Variants in PIEZO1 observed in about 807,000 individuals in gnomAD.
The protein encoded by PIEZO1 is piezo type mechanosensitive ion channel component 1 (Er blood group).
A neutral mutation model predicts 297.2 loss-of-function variants in PIEZO1; 296 were observed. That is an observed-to-expected ratio of 1.00 (90% CI 0.91 to 1.10). PIEZO1 has a LOEUF of 1.10. Among genes scored for constraint, PIEZO1 ranks in the 50% least tolerant of loss-of-function variants. The pLI, the probability that PIEZO1 is intolerant of heterozygous loss-of-function variation, is 0.00. For missense variants in PIEZO1, 5,018 were observed against 3,455.5 expected (o/e 1.45, Z -11.34); for synonymous variants, 2,427 against 1,507.5 (o/e 1.61, Z -14.13).
chr16:88,727,796 C>T (rs1007110618), intron 22 of PIEZO1, 135 bp from the exon 23 acceptor site: 4 of 457,696 alleles, frequency 8.7e-6, no homozygotes, highest in African/African-American at 2.0e-5. Context: ...CCTGGTGTCT[C>T]GAGAACTGAC....
chr16:88,731,697 G>A lies in PIEZO1; in HGVS notation c.3196+9C>T, dbSNP rs750856502. On this transcript the variant is annotated intron_variant, in intron 22 of 50. Coordinates refer to ENST00000301015, the MANE Select transcript of PIEZO1 (RefSeq NM_001142864.4). ...AAGCCCACTCCCACCCAAGCCACGT[G>A]CCCCTCACCAATGCACAGGGCCGGG... 1.3e-6 allele frequency: 2 copies of A among 1,547,844 alleles called. No individual in the cohort carries two copies. Among genetic ancestry groups the A allele is most frequent in the South Asian group, 2.4e-5 (2 of 83,976 alleles).
rs1904996571 is a variant in PIEZO1, at chr16:88,733,341, C to T, written c.2601G>A (p.Val867=). The T allele has an allele frequency of 6.5e-6, 10 of 1,550,220 alleles. No homozygotes were observed. Among genetic ancestry groups the T allele is most frequent in the Non-Finnish European group, 8.7e-6 (10 of 1,146,836 alleles). The stretch of plus-strand genomic sequence containing the variant: ...CCTTGAGCTGGTACAGCATCTTACA[C>T]ACGATGATGACGCAGGTCCACACGG... ...LSTVWTCVII[V]CKMLYQLKVV... Residue 867 remains valine, a synonymous_variant, in exon 19 of 51, where the codon GTG becomes GTA. Coordinates refer to ENST00000301015, the MANE Select transcript of PIEZO1 (RefSeq NM_001142864.4).
chr16:88,746,301 T>C (rs531254091), intron 2 of PIEZO1, among the ~76,000 whole-genome samples: 9 of 152,036 alleles, frequency 5.9e-5, no homozygotes, highest in Non-Finnish European at 1.3e-4. Flanking sequence ...TGGGGGGTGA[T>C]CTCTCTCCAG....
At chr16:88,774,960 T>C (rs1907591637) in intron 1 of PIEZO1, among the ~76,000 whole-genome samples, 1 of 152,156 alleles carries the variant, frequency 6.6e-6, no homozygotes, top group Non-Finnish European at 1.5e-5. Context: ...ATAGTGGCTA[T>C]GTAACGACAG....
chr16:88,717,365 A>C, intron 44 of PIEZO1, 154 bp from the exon 45 acceptor site: 1 of 680,810 alleles, frequency 1.5e-6, no homozygotes, highest in East Asian at 2.7e-5. Flanking sequence ...AGGCCAGTGG[A>C]GTAGAACTAA....
intron 1 of PIEZO1, among the ~76,000 whole-genome samples, chr16:88,760,714 C>A (rs990957442): frequency 6.6e-6 from 1 of 151,988 alleles, no homozygotes; most frequent in Non-Finnish European, 1.5e-5. Flanking sequence ...GCCTTTGACG[C>A]AGCAGCACCC....
intron 1 of PIEZO1, among the ~76,000 whole-genome samples, chr16:88,775,896 A>G (rs552671254): frequency 6.6e-6 from 1 of 152,212 alleles, no homozygotes; most frequent in East Asian, 1.9e-4. Context: ...GACTCCTCAG[A>G]AGAAGGCAGT....
At chr16:88,751,509 C>T (rs1906388051) in intron 1 of PIEZO1, among the ~76,000 whole-genome samples, 1 of 152,208 alleles carries the variant, frequency 6.6e-6, no homozygotes, top group Admixed American at 6.5e-5. Context: ...GAGTGCCGGG[C>T]TCCGGGGGGC....
intron 1 of PIEZO1, among the ~76,000 whole-genome samples, chr16:88,751,396 C>G (rs1280908895): frequency 2.6e-5 from 4 of 152,238 alleles, no homozygotes; most frequent in Non-Finnish European, 4.4e-5. Flanking sequence ...CCTTCCCACT[C>G]TCAACAGCTT....
rs140955341 is a variant in PIEZO1 at position 88,732,904 on chromosome 16, A to T, written c.2665-172T>A. On this transcript the variant is annotated intron_variant, in intron 19 of 50. Coordinates refer to ENST00000301015, the MANE Select transcript of PIEZO1 (RefSeq NM_001142864.4). ...CGGGGAAGGGGACCAGGTGTTTGAGAAACAGGGAGACCACGGGCAGGGGCT... is the reference window on the plus strand; with the variant it reads ...CGGGGAAGGGGACCAGGTGTTTGAGTAACAGGGAGACCACGGGCAGGGGCT... The T allele has an allele frequency of 3.9e-3, 2,582 of 658,878 alleles. 30 individuals carry two copies. Among genetic ancestry groups the T allele is most frequent in the African/African-American group, 0.034 (1,869 of 54,954 alleles). The allele number at this position is 658,878 out of a possible 1,614,324, so 40.8% of individuals were successfully genotyped here.
intron 10 of PIEZO1, chr16:88,737,307 C>T: frequency 8.6e-6 from 4 of 467,160 alleles, no homozygotes; most frequent in Non-Finnish European, 1.5e-5. Context: ...CCCATGGGGT[C>T]TTGGGGATCA....
At chr16:88,762,409 G>T (rs1038769360) in intron 1 of PIEZO1, among the ~76,000 whole-genome samples, 1 of 152,162 alleles carries the variant, frequency 6.6e-6, no homozygotes. Context: ...CCTGCCCACT[G>T]GCCCCCATCT....
At position 88,727,640 on chromosome 16, in the gene PIEZO1, C is replaced by T. The variant is rs1030312028; in HGVS notation, c.3218G>A (p.Arg1073Gln). The change falls in exon 23 of 51, where the codon CGG becomes CAG. Residue 1073 changes from arginine (R) to glutamine (Q), a missense_variant. Physicochemically the swap from Arg to Gln is conservative, Grantham distance 43 (BLOSUM62 1). Coordinates refer to ENST00000301015, the MANE Select transcript of PIEZO1 (RefSeq NM_001142864.4). ...LCIDYPWRWS[R>Q]AVPMNSALIK... ...GAGTGCGGAGTTCATGGGGACGGCCCGGCTCCAGCGCCAGGGATAATCTGG... is the reference window on the plus strand; with the variant it reads ...GAGTGCGGAGTTCATGGGGACGGCCTGGCTCCAGCGCCAGGGATAATCTGG... 45 of 1,488,452 alleles carry T rather than the reference C, an allele frequency of 3.0e-5. No individual in the cohort carries two copies. Among genetic ancestry groups the T allele is most frequent in the Middle Eastern group, 1.7e-4 (1 of 5,768 alleles). The allele number at this position is 1,488,452 out of a possible 1,614,324, so 92.2% of individuals were successfully genotyped here. A position where few individuals can be genotyped will look rare whatever the true frequency, so the allele number is the denominator to read the frequency against.
intron 1 of PIEZO1, among the ~76,000 whole-genome samples, chr16:88,774,146 C>G (rs9923988): frequency 0.33 from 49,475 of 152,162 alleles, 8,436 homozygotes; most frequent in East Asian, 0.42. Context: ...AAGCGCATGA[C>G]TGTCACCTCC....
Position 88,727,106 on chromosome 16 carries a change from C to G in PIEZO1, c.3388G>C (p.Val1130Leu). 6.5e-7 allele frequency: 1 copy of G among 1,550,006 alleles called. No homozygotes were observed. Among genetic ancestry groups the G allele is most frequent in the Admixed American group, 2.0e-5 (1 of 51,002 alleles). Reference protein sequence around the residue: ...RTEEWQRMAGVNTDRLEPLRG... With the variant: ...RTEEWQRMAGLNTDRLEPLRG... The stretch of plus-strand genomic sequence containing the variant: ...AGCGGCTCCAGGCGGTCGGTGTTGA[C>G]GCCAGCCATGCGCTGCCACTCCTCT... The change falls in exon 24 of 51, where the codon GTC (valine) becomes CTC (leucine). Residue 1130 changes from valine (V) to leucine (L), a missense_variant. Physicochemically the swap from Val to Leu is conservative, Grantham distance 32. Transcript: ENST00000301015.
chr16:88,732,625 G>A lies in PIEZO1; in HGVS notation c.2772C>T (p.Pro924=), dbSNP rs1398627763. 23 of 1,549,432 alleles carry A rather than the reference G, an allele frequency of 1.5e-5. No homozygotes were observed. The South Asian group carries it at 2.3e-4, about 15-fold the overall frequency. Residue 924 remains proline, a synonymous_variant, in exon 20 of 51, where the codon CCC becomes CCT. Coordinates refer to ENST00000301015, the MANE Select transcript of PIEZO1 (RefSeq NM_001142864.4). ...AACTCACCTGGATGTAGCCCAGGTT[G>A]GGGAACCCTTTCCGCACCCCAAACC... ...ANWFGVRKGF[P]NLGYIQNHLQ...
chr16:88,716,917 C>T lies in PIEZO1; in HGVS notation c.6661-19G>A. The T allele has an allele frequency of 1.3e-6, 2 of 1,548,970 alleles. No homozygotes were observed. Among genetic ancestry groups the T allele is most frequent in the African/African-American group, 2.7e-5 (2 of 73,126 alleles). On this transcript the variant is annotated intron_variant, in intron 45 of 50. Coordinates refer to ENST00000301015, the MANE Select transcript of PIEZO1 (RefSeq NM_001142864.4). ...ACAGCGGCTGGGGCAGGCACGGGGACACGGGGCCACGAAGATGAGCGTGGA... is the reference window on the plus strand; with the variant it reads ...ACAGCGGCTGGGGCAGGCACGGGGATACGGGGCCACGAAGATGAGCGTGGA...
Position 88,734,816 on chromosome 16 carries a change from G to T in PIEZO1, c.1849-18C>A. On this transcript the variant is annotated intron_variant, in intron 14 of 50. Transcript: ENST00000301015. ...TAGTAGACCTGCCGGGTGAGGTGGGGGTGGTGAGGACCGCGGGGAGGGTCC... is the reference window on the plus strand; with the variant it reads ...TAGTAGACCTGCCGGGTGAGGTGGGTGTGGTGAGGACCGCGGGGAGGGTCC... 2 of 1,550,254 alleles carry T rather than the reference G, an allele frequency of 1.3e-6. No homozygotes were observed. The highest frequency in any genetic ancestry group is 1.2e-5 in the South Asian group (1 of 84,066).
In PIEZO1 at chr16:88,716,635, TG is replaced by T; in HGVS notation, c.6849del (p.Ser2284AlafsTer5). ...AGCTCCCGCTTCATCTGGGCACGGC[TG>T]GGGGGACTGATGCGCCACAGCGCCC... is the stretch of plus-strand genomic sequence containing the variant. ...SSGALWRISP[P>X]SRAQMKRELY... is the part of the protein sequence containing the mutation. On this transcript the variant is annotated frameshift_variant, in exon 47 of 51. Transcript: ENST00000301015. LOFTEE classifies it high-confidence loss of function. 2.6e-6 allele frequency: 4 copies of T among 1,549,832 alleles called. No individual in the cohort carries two copies. The highest frequency in any genetic ancestry group is 3.5e-6 in the Non-Finnish European group (4 of 1,146,908).
Sources: allele counts gnomAD v4.1 joint callset (sites outside exome capture counted in the v4.1 genomes callset), GRCh38; gene constraint gnomAD v4.1.1; transcripts MANE v1.5; gene names NCBI Gene and HGNC (gene_info 2026-07-23, HGNC 2026-07-21).